STEAP4: variants seen among roughly 807,000 people sequenced by gnomAD.
The protein encoded by STEAP4 is STEAP4 metalloreductase, also known as metalloreductase STEAP4.
A neutral mutation model predicts 43.6 loss-of-function variants in STEAP4; 36 were observed. The observed-to-expected ratio is 0.83, with a 90% CI of 0.63 to 1.09. The LOEUF (loss-of-function observed/expected upper bound fraction) is 1.09. Among genes scored for constraint, STEAP4 ranks in the 50% least tolerant of loss-of-function variants. The pLI, the probability that STEAP4 is intolerant of heterozygous loss-of-function variation, is 0.00. For missense variants in STEAP4, 495 were observed against 546.5 expected, an observed-to-expected ratio of 0.91 and a Z score of 0.94; for synonymous variants, 191 against 196.7, an observed-to-expected ratio of 0.97 and a Z score of 0.24.
intron 1 of STEAP4, chr7:88,304,226 C>T (rs1458501216): frequency 2.6e-5 from 4 of 152,080 alleles, no homozygotes; most frequent in Non-Finnish European, 5.9e-5. Context: ...GGGAGATATA[C>T]CTAATGCTAG....
Position 88,277,220 on chromosome 7 carries a change from A to T in STEAP4, c.*2178T>A, listed in dbSNP as rs528946553. 1 of 152,294 alleles carries T rather than the reference A, an allele frequency of 6.6e-6. No homozygotes were observed. Among genetic ancestry groups the T allele is most frequent in the Non-Finnish European group, 1.5e-5 (1 of 68,024 alleles). 9.4% of individuals were successfully genotyped at this position (152,294 alleles called of 1,614,324 possible). On this transcript the variant is annotated 3_prime_UTR_variant, in exon 5 of 5. Transcript: ENST00000380079. Reference sequence around the variant, plus strand: ...TTTCCACTGATACTGTAGGGTCAGCACCGTATACCATGACTCTACTCAATG... The same window carrying T: ...TTTCCACTGATACTGTAGGGTCAGCTCCGTATACCATGACTCTACTCAATG...
At chr7:88,281,691 T>G (rs1852623523) in intron 3 of STEAP4, 1 of 152,222 alleles carries the variant, frequency 6.6e-6, no homozygotes, top group African/African-American at 2.4e-5. Context: ...ACTAGCTATT[T>G]CTAAACTAGA....
In STEAP4 at chr7:88,284,173, A is replaced by G; in HGVS notation, c.97T>C (p.Ser33Pro). The change falls in exon 2 of 5, where the codon TCA (serine) becomes CCA (proline). Residue 33 changes from serine to proline, a missense_variant. Coordinates refer to ENST00000380079, the MANE Select transcript of STEAP4 (RefSeq NM_024636.4). The stretch of plus-strand genomic sequence containing the variant: ...CACTGGAGCATTTTCAATCCCAGTG[A>G]TCTTCCAAAATCACCAGTTCCAAAA... ...CIFGTGDFGR[S>P]LGLKMLQCGY... 6.2e-7 allele frequency: 1 copy of G among 1,614,158 alleles called. No individual in the cohort carries two copies. The highest frequency in any genetic ancestry group is 8.5e-7 in the Non-Finnish European group (1 of 1,180,028).
rs985343723 is a variant in STEAP4, at chr7:88,274,243, G to A, written c.*5155C>T. The A allele has an allele frequency of 6.6e-6, 1 of 152,228 alleles. No homozygotes were observed. Among genetic ancestry groups the A allele is most frequent in the South Asian group, 2.1e-4 (1 of 4,834 alleles). 9.4% of individuals were successfully genotyped at this position (152,228 alleles called of 1,614,324 possible). A position where few individuals can be genotyped will look rare whatever the true frequency, so the allele number is the denominator to read the frequency against. ...GAGAACTGTTATGAGGATTAAATAAGATAATGCATGTGAAATTGTTAGCAT... is the reference window on the plus strand; with the variant it reads ...GAGAACTGTTATGAGGATTAAATAAAATAATGCATGTGAAATTGTTAGCAT... On this transcript the variant is annotated 3_prime_UTR_variant, in exon 5 of 5. Coordinates refer to ENST00000380079, the MANE Select transcript of STEAP4 (RefSeq NM_024636.4).
chr7:88,289,539 C>G (rs968872828), intron 1 of STEAP4, among the ~76,000 whole-genome samples: 1 of 152,112 alleles, frequency 6.6e-6, no homozygotes, highest in Non-Finnish European at 1.5e-5. Context: ...TCAAAAACAC[C>G]TATATTCTTA....
chr7:88,304,442 C>CA (rs1362902925), intron 1 of STEAP4: 2 of 152,006 alleles, frequency 1.3e-5, no homozygotes, highest in Non-Finnish European at 2.9e-5. Flanking sequence ...AAAAAACAAA[C>CA]AAACAAACAA....
chr7:88,301,499 A>C (rs1853033016), intron 1 of STEAP4, among the ~76,000 whole-genome samples: 1 of 150,958 alleles, frequency 6.6e-6, no homozygotes, highest in Admixed American at 6.6e-5. Context: ...CTAGTCTTGA[A>C]CTCCTGGTCT....
In STEAP4 at chr7:88,283,086, T is replaced by TG. The variant is rs1214142889; in HGVS notation, c.538dup (p.Gln180ProfsTer11). The stretch of plus-strand genomic sequence containing the variant: ...TTCTTTGGCTGCCATGAGTGATCCT[T>TG]GATCCATTGGAGTAAGTCCAAGATT... On this transcript the variant is annotated frameshift_variant, in exon 3 of 5. Transcript: ENST00000380079. LOFTEE classifies it high-confidence loss of function. The TG allele has an allele frequency of 6.2e-7, 1 of 1,611,040 alleles. No individual in the cohort carries two copies. Among genetic ancestry groups the TG allele is most frequent in the Non-Finnish European group, 8.5e-7 (1 of 1,178,912 alleles).
chr7:88,286,292 A>G (rs1852733165), intron 1 of STEAP4, among the ~76,000 whole-genome samples: 1 of 152,196 alleles, frequency 6.6e-6, no homozygotes, highest in African/African-American at 2.4e-5. Flanking sequence ...ATCTTATACA[A>G]TTTTATAACA....
chr7:88,298,234 A>G, intron 1 of STEAP4: 1 of 152,114 alleles, frequency 6.6e-6, no homozygotes, highest in East Asian at 1.9e-4. Flanking sequence ...TAGCTGGGTC[A>G]TATGAAATGA....
At chr7:88,298,452 A>G (rs1485956236) in intron 1 of STEAP4, 2 of 139,450 alleles carry the variant, frequency 1.4e-5, no homozygotes, top group Non-Finnish European at 3.1e-5. Flanking sequence ...AATTACATCA[A>G]ACTGGTTCTT....
intron 3 of STEAP4, 32 bp downstream of exon 3, chr7:88,282,609 G>A (rs754352398): frequency 6.3e-7 from 1 of 1,576,702 alleles, no homozygotes; most frequent in Non-Finnish European, 8.7e-7. Context: ...CTGATTTCAG[G>A]AGCAGAAGAA....
intron 3 of STEAP4, chr7:88,282,398 C>G (rs760968946): frequency 2.0e-6 from 1 of 507,628 alleles, no homozygotes; most frequent in Non-Finnish European, 3.4e-6. Flanking sequence ...TCACCTGCCT[C>G]GGAATCCCAA....
At chr7:88,306,577 A>G (rs116471139) in intron 1 of STEAP4, among the ~76,000 whole-genome samples, 1 of 152,240 alleles carries the variant, frequency 6.6e-6, no homozygotes, top group Non-Finnish European at 1.5e-5. Context: ...ACCCTGGGGT[A>G]GGGATGAGCC....
intron 3 of STEAP4, chr7:88,282,437 GC>G: frequency 1.7e-6 from 1 of 593,426 alleles, no homozygotes; most frequent in Non-Finnish European, 2.8e-6. Flanking sequence ...GTGAGCCACC[GC>G]CCCCGGCAAA....
At chr7:88,292,037 G>T (rs1173473135) in intron 1 of STEAP4, among the ~76,000 whole-genome samples, 2 of 152,180 alleles carry the variant, frequency 1.3e-5, no homozygotes, top group Non-Finnish European at 2.9e-5. Context: ...AGGTGGCAAA[G>T]ATGACAATGA....
intron 1 of STEAP4, among the ~76,000 whole-genome samples, chr7:88,299,045 G>A (rs1466449618): frequency 6.6e-6 from 1 of 152,082 alleles, no homozygotes; most frequent in East Asian, 1.9e-4. Context: ...AACTAACTAT[G>A]TCATATGCGG....
At chr7:88,297,912 G>A (rs548334064) in intron 1 of STEAP4, among the ~76,000 whole-genome samples, 2 of 152,208 alleles carry the variant, frequency 1.3e-5, no homozygotes, top group South Asian at 2.1e-4. Flanking sequence ...CCTTAAATAT[G>A]TTCAGAATAC....
chr7:88,284,162 C>T lies in STEAP4; in HGVS notation c.108G>A (p.Leu36=), dbSNP rs1431897581. The T allele has an allele frequency of 1.9e-6, 3 of 1,614,018 alleles. No homozygotes were observed. The African/African-American group carries it at 4.0e-5, about 22-fold the overall frequency. ...CAGAATAACCACACTGGAGCATTTT[C>T]AATCCCAGTGATCTTCCAAAATCAC... ...GTGDFGRSLG[L]KMLQCGYSVV... is the part of the protein sequence containing the mutation. Residue 36 remains leucine, a synonymous_variant, in exon 2 of 5, where the codon TTG becomes TTA. Coordinates refer to ENST00000380079, the MANE Select transcript of STEAP4 (RefSeq NM_024636.4).
Sources: gnomAD v4.1 joint callset for allele counts (sites outside exome capture counted in the v4.1 genomes callset) on GRCh38, gnomAD v4.1.1 for gene constraint, MANE v1.5 for transcripts, NCBI Gene and HGNC (gene_info 2026-07-23, HGNC 2026-07-21) for gene names.